The following ATP1A2 variants were observed in gnomAD, a reference collection of about 807,000 sequenced individuals.
ATP1A2 encodes sodium/potassium-transporting ATPase subunit alpha-2.
Under a neutral mutation model 113.1 loss-of-function variants are expected in ATP1A2, and 56 were observed. That is an observed-to-expected ratio of 0.49 (90% CI 0.40 to 0.62). The LOEUF is 0.62. Ranked by LOEUF, ATP1A2 falls within the 20% of genes least tolerant of loss-of-function variation. The probability of loss-of-function intolerance (pLI) is 0.00; values close to 1 mark genes in which losing one functional copy is unlikely to be tolerated. For synonymous variants in ATP1A2, 490 were observed against 526.8 expected (o/e 0.93, Z 0.96); for missense variants, 712 against 1,357.8 (o/e 0.52, Z 7.47).
intron 3 of ATP1A2, among the ~76,000 whole-genome samples, chr1:160,121,520 G>A (rs541922403): frequency 4.6e-5 from 7 of 152,328 alleles, no homozygotes; most frequent in African/African-American, 1.7e-4. Flanking sequence ...GGGCCTCCAG[G>A]CAGGGCCCTT....
chr1:160,143,427 C>T lies in ATP1A2; in HGVS notation c.*2105C>T, dbSNP rs1652215355. On this transcript the variant is annotated 3_prime_UTR_variant, in exon 23 of 23. Transcript: ENST00000361216. ...TACTTTTCAGGCACTTTAGAAATATCCTTTTAGAAGCAGCGAGTGCATGGG... is the reference window on the plus strand; with the variant it reads ...TACTTTTCAGGCACTTTAGAAATATTCTTTTAGAAGCAGCGAGTGCATGGG... 2 of 152,548 alleles carry T rather than the reference C, an allele frequency of 1.3e-5. No individual in the cohort carries two copies. Among genetic ancestry groups the T allele is most frequent in the South Asian group, 4.1e-4 (2 of 4,828 alleles). 9.4% of individuals were successfully genotyped at this position (152,548 alleles called of 1,614,324 possible).
At chr1:160,128,392 C>A (rs2101988855) in intron 8 of ATP1A2, 1 of 972,436 alleles carries the variant, frequency 1.0e-6, no homozygotes, top group Non-Finnish European at 1.5e-6. Flanking sequence ...ACTCAGACAT[C>A]CCTATGCTCA....
intron 14 of ATP1A2, 89 bp downstream of exon 14, chr1:160,134,709 C>G: frequency 6.3e-7 from 1 of 1,589,578 alleles, no homozygotes; most frequent in Non-Finnish European, 8.6e-7. Context: ...ATTTGGATAG[C>G]ATTTCTGGGA....
rs1441927729 is a variant in ATP1A2 at position 160,128,664 on chromosome 1, C to T, written c.1030C>T (p.Leu344=). ...LLATVTVCLT[L]TAKRMARKNC... is the part of the protein sequence containing the mutation. Reference sequence around the variant, plus strand: ...CTTTCTCTACCAGGTGTGCCTGACCCTGACAGCCAAGCGCATGGCACGGAA... The same window carrying T: ...CTTTCTCTACCAGGTGTGCCTGACCTTGACAGCCAAGCGCATGGCACGGAA... The change falls in exon 9 of 23, where the codon CTG becomes TTG. Residue 344 remains leucine (L), a synonymous_variant. Transcript: ENST00000361216. 6.2e-7 allele frequency: 1 copy of T among 1,614,214 alleles called. No individual in the cohort carries two copies. Among genetic ancestry groups the T allele is most frequent in the Admixed American group, 1.7e-5 (1 of 60,030 alleles).
intron 7 of ATP1A2, among the ~76,000 whole-genome samples, chr1:160,127,212 A>G (rs984829583): frequency 6.6e-6 from 1 of 152,270 alleles, no homozygotes; most frequent in Non-Finnish European, 1.5e-5. Flanking sequence ...TGTGTTCATA[A>G]TATACTTTTG....
In ATP1A2 at chr1:160,125,227, G is replaced by C; in HGVS notation, c.722G>C (p.Cys241Ser). Reference protein sequence around the residue: ...HENPLETRNICFFSTNCVEGT... With the variant: ...HENPLETRNISFFSTNCVEGT... ...AACCCCCTGGAGACCCGCAATATCT[G>C]TTTCTTCTCCACCAACTGTGTTGAA... Residue 241 changes from cysteine to serine, a missense_variant, in exon 7 of 23, where the codon TGT (cysteine) becomes TCT (serine). By Grantham distance (112) the Cys-to-Ser change is moderately radical. Coordinates refer to ENST00000361216, the MANE Select transcript of ATP1A2 (RefSeq NM_000702.4). 6.2e-7 allele frequency: 1 copy of C among 1,614,138 alleles called. No homozygotes were observed. Among genetic ancestry groups the C allele is most frequent in the Non-Finnish European group, 8.5e-7 (1 of 1,180,012 alleles).
Position 160,130,190 on chromosome 1 carries a change from C to A in ATP1A2, c.1550C>A (p.Thr517Asn), listed in dbSNP as rs749326394. 15 of 1,614,108 alleles carry A rather than the reference C, an allele frequency of 9.3e-6. No individual in the cohort carries two copies. In the Admixed American group the frequency reaches 2.5e-4, roughly 27 times the overall value. Residue 517 changes from threonine (T) to asparagine (N), a missense_variant, in exon 12 of 23, where the codon ACC (threonine) becomes AAC (asparagine). Coordinates refer to ENST00000361216, the MANE Select transcript of ATP1A2 (RefSeq NM_000702.4). ...APERILDRCSTILVQGKEIPL... is the reference protein window; with the variant it reads ...APERILDRCSNILVQGKEIPL... Reference sequence around the variant, plus strand: ...GAGCGCATTCTGGACCGGTGCTCCACCATCCTGGTGCAGGGCAAGGAGATC... The same window carrying A: ...GAGCGCATTCTGGACCGGTGCTCCAACATCCTGGTGCAGGGCAAGGAGATC...
rs764960268 is a variant in ATP1A2, at chr1:160,135,499, T to C, written c.2181T>C (p.Ile727=). ...NDSPALKKAD[I]GIAMGISGSD... ...CCCCTGCATTGAAGAAGGCTGACAT[T>C]GGCATTGCCATGGGCATCTCTGGCT... Residue 727 remains isoleucine (I), a synonymous_variant, in exon 16 of 23, where the codon ATT becomes ATC. Coordinates refer to ENST00000361216, the MANE Select transcript of ATP1A2 (RefSeq NM_000702.4). This position sits in a 1 kb window ranked among gnomAD's most constrained non-coding sequence, Gnocchi z 6.3. 39 of 1,613,992 alleles carry C rather than the reference T, an allele frequency of 2.4e-5. No homozygotes were observed. Among genetic ancestry groups the C allele is most frequent in the Non-Finnish European group, 3.2e-5 (38 of 1,180,030 alleles).
intron 12 of ATP1A2, 63 bp from the exon 13 acceptor site, chr1:160,130,359 G>A (rs560134127): frequency 2.5e-5 from 41 of 1,613,994 alleles, no homozygotes; most frequent in Non-Finnish European, 3.1e-5. Context: ...TGGGGTGGGG[G>A]ACTGTGGGGG....
At chr1:160,126,605 A>T (rs1651595434) in intron 7 of ATP1A2, among the ~76,000 whole-genome samples, 1 of 152,104 alleles carries the variant, frequency 6.6e-6, no homozygotes, top group Middle Eastern at 3.2e-3. Flanking sequence ...AGTATTTGGG[A>T]CTACAGGCGC....
At chr1:160,119,842 A>AAAAG (rs1558001930) in intron 1 of ATP1A2, among the ~76,000 whole-genome samples, 3 of 147,998 alleles carry the variant, frequency 2.0e-5, no homozygotes, top group African/African-American at 2.5e-5. Context: ...AAAAAAAAAA[A>AAAAG]AAAGAAAGAA....
In ATP1A2 at chr1:160,128,313, TC is replaced by T. The variant is rs1399107864; in HGVS notation, c.1018-338del. The T allele has an allele frequency of 1.3e-5, 7 of 539,632 alleles. 1 individual carries two copies. The East Asian group carries it at 3.2e-4, about 24-fold the overall frequency. 33.4% of individuals were successfully genotyped at this position (539,632 alleles called of 1,614,324 possible). ...TACACTGATTCTCAGGCCTCAGCTG[TC>T]TGTTCTTCCTACACCCTGAGCAAGA... On this transcript the variant is annotated intron_variant, in intron 8 of 22. Coordinates refer to ENST00000361216, the MANE Select transcript of ATP1A2 (RefSeq NM_000702.4).
chr1:160,122,786 C>T (rs1039982876), intron 3 of ATP1A2, among the ~76,000 whole-genome samples: 12 of 151,968 alleles, frequency 7.9e-5, no homozygotes, highest in East Asian at 1.9e-4. Context: ...TGCACCACTG[C>T]GCTCCAGCCT....
At chr1:160,126,244 C>T (rs550626706) in intron 7 of ATP1A2, among the ~76,000 whole-genome samples, 1 of 152,246 alleles carries the variant, frequency 6.6e-6, no homozygotes, top group Non-Finnish European at 1.5e-5. Flanking sequence ...GCACATCCTC[C>T]CATATACTTT....
rs751808345 is a variant in ATP1A2 at position 160,135,505 on chromosome 1, T to C, written c.2187T>C (p.Ile729=). The part of the protein sequence containing the change: ...SPALKKADIG[I]AMGISGSDVS... ...CATTGAAGAAGGCTGACATTGGCAT[T>C]GCCATGGGCATCTCTGGCTCTGACG... The change falls in exon 16 of 23, where the codon ATT becomes ATC. Residue 729 remains isoleucine (I), a synonymous_variant. Transcript: ENST00000361216. The surrounding 1 kb of genome is among the most constrained non-coding windows in gnomAD (Gnocchi z 6.3). The C allele has an allele frequency of 5.6e-6, 9 of 1,614,064 alleles. No individual in the cohort carries two copies. In the East Asian group the frequency reaches 8.9e-5, roughly 16 times the overall value.
rs386368465 is a variant in ATP1A2, at chr1:160,119,256, CAAA to C, written c.13-1625_13-1623del. ...AAACCCCCAAAACTGCATTATCCTG[CAAA>C]AAAAAAAAAAAAAAAAAAAAAAAAG... On this transcript the variant is annotated intron_variant, in intron 1 of 22. Coordinates refer to ENST00000361216, the MANE Select transcript of ATP1A2 (RefSeq NM_000702.4). Among the ~76,000 whole-genome samples the C allele has an allele frequency of 7.9e-3, 389 of 49,354 alleles. 1 individual carries two copies. Among genetic ancestry groups the C allele is most frequent in the Middle Eastern group, 0.017 (1 of 58 alleles). The allele number at this position is 49,354 out of a possible 152,430, so 32.4% of individuals were successfully genotyped here. A position where few individuals can be genotyped will look rare whatever the true frequency, so the allele number is the denominator to read the frequency against.
Position 160,139,011 on chromosome 1 carries a change from A to T in ATP1A2, c.2841-629A>T, listed in dbSNP as rs114012779. ...AGGAACGTGAGGCTCAGAGAAATTC[A>T]ACATTGCCTGCAACCCAAAGCTAGT... is the stretch of plus-strand genomic sequence containing the variant. On this transcript the variant is annotated intron_variant, in intron 20 of 22. Transcript: ENST00000361216. Among the ~76,000 whole-genome samples, 633 of 152,322 alleles carry T rather than the reference A, an allele frequency of 4.2e-3. 1 individual carries two copies. The highest frequency in any genetic ancestry group is 7.7e-3 in the Non-Finnish European group (523 of 68,026).
At chr1:160,117,212 C>A (rs544993408) in intron 1 of ATP1A2, among the ~76,000 whole-genome samples, 2 of 152,174 alleles carry the variant, frequency 1.3e-5, no homozygotes, top group East Asian at 3.9e-4. Flanking sequence ...TGTCTTGGGA[C>A]CTTCAGCTGC....
chr1:160,120,012 C>A (rs1227411583), intron 1 of ATP1A2, among the ~76,000 whole-genome samples: 1 of 151,282 alleles, frequency 6.6e-6, no homozygotes, highest in African/African-American at 2.4e-5. Flanking sequence ...CAGAGTGAGA[C>A]CCTGTCTCAA....
Sources: gnomAD v4.1 joint callset for allele counts (sites outside exome capture counted in the v4.1 genomes callset) on GRCh38, gnomAD v4.1.1 for gene constraint, Gnocchi (gnomAD v3.1) non-coding constraint, MANE v1.5 for transcripts, NCBI Gene and HGNC (gene_info 2026-07-23, HGNC 2026-07-21) for gene names.